MEIOC: variants seen among roughly 807,000 people sequenced by gnomAD.
MEIOC encodes the protein meiosis-specific coiled-coil domain-containing protein MEIOC.
In MEIOC, 9 loss-of-function variants were observed where a neutral mutation model predicts 85.3. The observed-to-expected ratio is 0.11, with a 90% CI of 0.06 to 0.18. The LOEUF (loss-of-function observed/expected upper bound fraction) is 0.18, where lower values mean the gene tolerates loss of function less well. Ranked by LOEUF, MEIOC falls within the 10% of genes least tolerant of loss-of-function variation. The pLI, the probability that MEIOC is intolerant of heterozygous loss-of-function variation, is 1.00. For synonymous variants in MEIOC, 365 were observed against 393.7 expected (o/e 0.93, Z 0.86); for missense variants, 898 against 1,129.4 (o/e 0.80, Z 2.94).
At chr17:44,663,722 AT>A (rs1351054835) in intron 3 of MEIOC, among the ~76,000 whole-genome samples, 1 of 151,912 alleles carries the variant, frequency 6.6e-6, no homozygotes, top group African/African-American at 2.4e-5. Context: ...ATTACATTGA[AT>A]TTTTTTTAGA....
chr17:44,661,591 G>A (rs564112983), intron 2 of MEIOC, among the ~76,000 whole-genome samples: 17 of 151,972 alleles, frequency 1.1e-4, no homozygotes, highest in African/African-American at 3.1e-4. Flanking sequence ...TCGCTCTGTC[G>A]CCCAGGATGG....
chr17:44,670,003 G>T, intron 6 of MEIOC: 1 of 153,648 alleles, frequency 6.5e-6, no homozygotes, highest in Non-Finnish European at 1.4e-5. Context: ...GGGTGCAGTG[G>T]CTCACACCTG....
Position 44,667,950 on chromosome 17 carries a change from T to C in MEIOC, c.2039T>C (p.Phe680Ser). Residue 680 changes from phenylalanine (F) to serine (S), a missense_variant, in exon 5 of 8, where the codon TTT (phenylalanine) becomes TCT (serine). By Grantham distance (155) the Phe-to-Ser change is radical. Around this residue, in one of 2 missense-constraint regions of MEIOC, gnomAD observed 734 missense variants for 860.1 expected, o/e 0.85. Transcript: ENST00000409122. The stretch of plus-strand genomic sequence containing the variant: ...GGAGATTTAAGGCATAATCAGTGTT[T>C]TCAACAACTTGGTTCAAATGGGTTT... ...MMGDLRHNQC[F>S]QQLGSNGFPL... 6.2e-7 allele frequency: 1 copy of C among 1,613,878 alleles called. No homozygotes were observed. The highest frequency in any genetic ancestry group is 1.1e-5 in the South Asian group (1 of 91,044).
rs764724595 is a variant in MEIOC at position 44,668,188 on chromosome 17, A to G, written c.2277A>G (p.Glu759=). ...CCAGTGAACTTCATATTCGTCTAGA[A>G]GAGTGCTGTGAACAATGGAGAGCAT... ...GPASELHIRL[E]ECCEQWRALE... is the part of the protein sequence containing the mutation. The change falls in exon 5 of 8, where the codon GAA becomes GAG. Residue 759 remains glutamate, a synonymous_variant. Transcript: ENST00000409122. 6.2e-7 allele frequency: 1 copy of G among 1,613,622 alleles called. No homozygotes were observed.
intron 2 of MEIOC, among the ~76,000 whole-genome samples, chr17:44,659,736 G>A (rs1439594715): frequency 6.6e-6 from 1 of 152,158 alleles, no homozygotes; most frequent in Admixed American, 6.5e-5. Context: ...TCAAAAAGAT[G>A]AACAATTATT....
chr17:44,670,473 T>C lies in MEIOC; in HGVS notation c.2457+956T>C, dbSNP rs944126142. Reference sequence around the variant, plus strand: ...GTCTCATTTCTTTGTCACATTTGTTTTCCAGCTTGATGAGCAAGCTGTGCT... The same window carrying C: ...GTCTCATTTCTTTGTCACATTTGTTCTCCAGCTTGATGAGCAAGCTGTGCT... On this transcript the variant is annotated intron_variant, in intron 6 of 7. Transcript: ENST00000409122. The C allele has an allele frequency of 3.3e-5, 5 of 150,480 alleles. No individual in the cohort carries two copies. The Admixed American group carries it at 3.4e-4, about 10-fold the overall frequency. 9.3% of individuals were successfully genotyped at this position (150,480 alleles called of 1,614,324 possible). A position where few individuals can be genotyped will look rare whatever the true frequency, so the allele number is the denominator to read the frequency against.
At chr17:44,671,238 A>G (rs1234698158) in intron 6 of MEIOC, 1 of 148,726 alleles carries the variant, frequency 6.7e-6, no homozygotes, top group East Asian at 1.9e-4. Flanking sequence ...AAAAAAAAAA[A>G]CTTCCAAATT....
rs1971932941 is a variant in MEIOC, at chr17:44,667,884, A to G, written c.1973A>G (p.Asn658Ser). ...AGAGGTGGAGACAATAGCCGTGTGAATCGCACACAAGTGTCATGCTTTTCT... is the reference window on the plus strand; with the variant it reads ...AGAGGTGGAGACAATAGCCGTGTGAGTCGCACACAAGTGTCATGCTTTTCT... ...RTRGGDNSRV[N>S]RTQVSCFSNN... The change falls in exon 5 of 8, where the codon AAT becomes AGT. Residue 658 changes from asparagine (N) to serine (S), a missense_variant. By Grantham distance (46) the Asn-to-Ser change is conservative. Transcript: ENST00000409122. 5.0e-6 allele frequency: 8 copies of G among 1,613,996 alleles called. No homozygotes were observed. The highest frequency in any genetic ancestry group is 6.8e-6 in the Non-Finnish European group (8 of 1,179,874).
intron 4 of MEIOC, among the ~76,000 whole-genome samples, 187 bp from the exon 5 acceptor site, chr17:44,666,189 A>ACAG (rs540323164): frequency 2.0e-5 from 3 of 152,228 alleles, no homozygotes; most frequent in Non-Finnish European, 4.4e-5. Context: ...TATGTAACAT[A>ACAG]CAGCACATTT....
chr17:44,657,225 T>C lies in MEIOC; in HGVS notation c.168T>C (p.Thr56=). ...LTDVFGSVML[T]GSASFYDCYT... is the part of the protein sequence containing the mutation. ...ACGTCTTCGGCAGCGTGATGTTGACTGGCTCCGCTTCCTTCTACGATTGCT... is the reference window on the plus strand; with the variant it reads ...ACGTCTTCGGCAGCGTGATGTTGACCGGCTCCGCTTCCTTCTACGATTGCT... Residue 56 remains threonine (T), a synonymous_variant, in exon 2 of 8, where the codon ACT becomes ACC. Coordinates refer to ENST00000409122, the MANE Select transcript of MEIOC (RefSeq NM_001145080.3). 1 of 1,552,108 alleles carries C rather than the reference T, an allele frequency of 6.4e-7. No individual in the cohort carries two copies. The highest frequency in any genetic ancestry group is 8.7e-7 in the Non-Finnish European group (1 of 1,147,016).
intron 5 of MEIOC, 90 bp downstream of exon 5, chr17:44,668,323 C>A: frequency 1.7e-6 from 2 of 1,188,696 alleles, no homozygotes; most frequent in Non-Finnish European, 2.4e-6. Flanking sequence ...AGAGTACTTG[C>A]CTTATTTCTT....
chr17:44,671,228 A>G (rs1256172309), intron 6 of MEIOC: 1 of 151,988 alleles, frequency 6.6e-6, no homozygotes, highest in Middle Eastern at 3.2e-3. Context: ...ATTATTTAAA[A>G]AAAAAAAAAA....
Position 44,674,961 on chromosome 17 carries a change from C to A in MEIOC, c.*765C>A. The A allele has an allele frequency of 1.0e-6, 1 of 979,200 alleles. No individual in the cohort carries two copies. 60.7% of individuals were successfully genotyped at this position (979,200 alleles called of 1,614,324 possible). On this transcript the variant is annotated 3_prime_UTR_variant, in exon 8 of 8. Transcript: ENST00000409122. Reference sequence around the variant, plus strand: ...AAGTTATTTAAATTGAATCACAAAACATTCCCTTTATCTGGATCTTTTAGA... The same window carrying A: ...AAGTTATTTAAATTGAATCACAAAAAATTCCCTTTATCTGGATCTTTTAGA...
At chr17:44,657,441 T>C (rs919557949) in intron 2 of MEIOC, among the ~76,000 whole-genome samples, 180 bp downstream of exon 2, 4 of 140,838 alleles carry the variant, frequency 2.8e-5, no homozygotes, top group African/African-American at 1.1e-4. Flanking sequence ...TGGAGTGCAG[T>C]GGCGCCATCT....
In MEIOC at chr17:44,657,291, C is replaced by A. The variant is rs1971776142; in HGVS notation, c.204+30C>A. 3 of 1,535,580 alleles carry A rather than the reference C, an allele frequency of 2.0e-6. No homozygotes were observed. In the East Asian group the frequency reaches 7.5e-5, roughly 38 times the overall value. On this transcript the variant is annotated intron_variant, in intron 2 of 7. Coordinates refer to ENST00000409122, the MANE Select transcript of MEIOC (RefSeq NM_001145080.3). ...TTTAGTAAACTCTGCCTCTGTTAGA[C>A]GATTTATTCTCAAATGGATTTACTC...
At position 44,673,366 on chromosome 17, in the gene MEIOC, G is replaced by A; in HGVS notation, c.2458G>A (p.Val820Ile). ...TCAAAATTTAAAATGCTTCCCTCAG[G>A]TTGTGACTTTACTAGGCAAAATGGA... ...IVDELRELAR[V>I]VTLLGKMERL... Residue 820 changes from valine to isoleucine, a missense_variant and splice_region_variant, in exon 7 of 8, where the codon GTT becomes ATT. Val to Ile is a conservative substitution (Grantham distance 29). Transcript: ENST00000409122. 2 of 1,535,844 alleles carry A rather than the reference G, an allele frequency of 1.3e-6. No individual in the cohort carries two copies. The highest frequency in any genetic ancestry group is 1.8e-6 in the Non-Finnish European group (2 of 1,142,422).
At position 44,656,554 on chromosome 17, in the gene MEIOC, C is replaced by T. The variant is rs571195173; in HGVS notation, c.-60C>T. On this transcript the variant is annotated 5_prime_UTR_variant, in exon 1 of 8. Transcript: ENST00000409122. ...TGAGGGAGCCGGGCCTGGACGCCCC[C>T]CCCATCACCCCCGTACCCCAGGAGC... 3 of 1,286,128 alleles carry T rather than the reference C, an allele frequency of 2.3e-6. No individual in the cohort carries two copies. In the African/African-American group the frequency reaches 4.7e-5, roughly 20 times the overall value. 79.7% of individuals were successfully genotyped at this position (1,286,128 alleles called of 1,614,324 possible).
chr17:44,676,915 A>G, downstream of MEIOC: 1 of 982,488 alleles, frequency 1.0e-6, no homozygotes, highest in Non-Finnish European at 1.2e-6. Context: ...CTAAACTCAA[A>G]GCCTAATGAG....
In MEIOC at chr17:44,674,315, A is replaced by T. The variant is rs992389869; in HGVS notation, c.*119A>T. 1 of 1,430,854 alleles carries T rather than the reference A, an allele frequency of 7.0e-7. No homozygotes were observed. Among genetic ancestry groups the T allele is most frequent in the South Asian group, 1.5e-5 (1 of 65,046 alleles). 88.6% of individuals were successfully genotyped at this position (1,430,854 alleles called of 1,614,324 possible). A position where few individuals can be genotyped will look rare whatever the true frequency, so the allele number is the denominator to read the frequency against. ...TTCTTTCAGATTTAAAGTTAATACC[A>T]GTACCTTAATGAAGTCTAACTTCTA... On this transcript the variant is annotated 3_prime_UTR_variant, in exon 8 of 8. Coordinates refer to ENST00000409122, the MANE Select transcript of MEIOC (RefSeq NM_001145080.3).
Sources: allele counts gnomAD v4.1 joint callset (sites outside exome capture counted in the v4.1 genomes callset), GRCh38; gene constraint gnomAD v4.1.1; regional missense constraint gnomAD v4.1.1; transcripts MANE v1.5; gene names NCBI Gene and HGNC (gene_info 2026-07-23, HGNC 2026-07-21).